Variants in PLD5 observed in about 807,000 individuals in gnomAD.
The protein encoded by PLD5 is inactive phospholipase D5.
A neutral mutation model predicts 61.1 loss-of-function variants in PLD5; 36 were observed. The observed-to-expected ratio is 0.59, with a 90% CI of 0.45 to 0.78. The LOEUF is 0.78. PLD5 is among the 30% of genes least tolerant of loss of function. The probability of loss-of-function intolerance (pLI) is 0.00; values close to 1 mark genes in which losing one functional copy is unlikely to be tolerated. For missense variants in PLD5, 515 were observed against 644.4 expected (o/e 0.80, Z 2.17); for synonymous variants, 243 against 242.8 (o/e 1.00, Z -0.01).
Position 242,288,595 on chromosome 1 carries a change from T to C in PLD5, c.327-65A>G, listed in dbSNP as rs1484139913. ...TCAAATTTGAAGCCACAGATCTTTA[T>C]ATATGCATACAGCAGACATCTAAAA... On this transcript the variant is annotated intron_variant, in intron 2 of 9. Coordinates refer to ENST00000536534, the MANE Select transcript of PLD5 (RefSeq NM_001372062.1). 7 of 1,532,042 alleles carry C rather than the reference T, an allele frequency of 4.6e-6. No homozygotes were observed. In the Admixed American group the frequency reaches 8.7e-5, roughly 19 times the overall value. 94.9% of individuals were successfully genotyped at this position (1,532,042 alleles called of 1,614,324 possible). A position where few individuals can be genotyped will look rare whatever the true frequency, so the allele number is the denominator to read the frequency against.
At chr1:242,349,236 G>T (rs375295512) in intron 1 of PLD5, among the ~76,000 whole-genome samples, 7 of 152,128 alleles carry the variant, frequency 4.6e-5, no homozygotes, top group Admixed American at 1.3e-4. Flanking sequence ...TTACTATAAG[G>T]GGTTGTAGAG....
chr1:242,503,878 G>A (rs1333987554), intron 1 of PLD5, among the ~76,000 whole-genome samples: 1 of 152,006 alleles, frequency 6.6e-6, no homozygotes, highest in East Asian at 1.9e-4. Context: ...AGAAAGGTGG[G>A]AAGAACCCTG....
At chr1:242,159,389 C>T (rs763276202) in intron 5 of PLD5, among the ~76,000 whole-genome samples, 6 of 152,124 alleles carry the variant, frequency 3.9e-5, no homozygotes, top group Non-Finnish European at 5.9e-5. Flanking sequence ...TCTGCTCCAC[C>T]CTCAGGTTAG....
intron 2 of PLD5, among the ~76,000 whole-genome samples, chr1:242,315,435 T>C (rs61847226): frequency 0.97 from 147,628 of 152,212 alleles, 71,686 homozygotes; most frequent in Non-Finnish European, 1. Context: ...GATTTAAAAA[T>C]TATGCTAGAC....
intron 5 of PLD5, among the ~76,000 whole-genome samples, chr1:242,163,001 A>G (rs575650945): frequency 6.6e-6 from 1 of 152,290 alleles, no homozygotes; most frequent in South Asian, 2.1e-4. Flanking sequence ...CCCAGTTCAT[A>G]CTAATATCTA....
intron 2 of PLD5, among the ~76,000 whole-genome samples, chr1:242,328,350 T>TAC: frequency 6.6e-6 from 1 of 152,002 alleles, no homozygotes; most frequent in South Asian, 2.1e-4. Context: ...GTGTTCTACA[T>TAC]GTGTGTTCTA....
intron 1 of PLD5, among the ~76,000 whole-genome samples, chr1:242,369,688 G>A (rs1005380043): frequency 1.3e-5 from 2 of 152,082 alleles, no homozygotes; most frequent in African/African-American, 4.8e-5. Context: ...GTATAATCTG[G>A]ATATTTTACA....
chr1:242,271,532 C>G (rs1487244919), intron 3 of PLD5, among the ~76,000 whole-genome samples: 1 of 152,162 alleles, frequency 6.6e-6, no homozygotes, highest in African/African-American at 2.4e-5. Context: ...ATCAGATAGA[C>G]TGGCAGAGAT....
At chr1:242,298,305 G>A (rs1202556175) in intron 2 of PLD5, among the ~76,000 whole-genome samples, 1 of 152,206 alleles carries the variant, frequency 6.6e-6, no homozygotes, top group Non-Finnish European at 1.5e-5. Flanking sequence ...CAGTATGGCA[G>A]TGGAGGAAGT....
At chr1:242,462,676 T>G (rs963822826) in intron 1 of PLD5, among the ~76,000 whole-genome samples, 1 of 151,716 alleles carries the variant, frequency 6.6e-6, no homozygotes, top group Non-Finnish European at 1.5e-5. Context: ...ACTGTAACCC[T>G]CTCCAGGGGA....
intron 5 of PLD5, among the ~76,000 whole-genome samples, chr1:242,148,872 TATC>T (rs2148812073): frequency 6.6e-6 from 1 of 152,096 alleles, no homozygotes; most frequent in South Asian, 2.1e-4. Flanking sequence ...ACTGATCTTA[TATC>T]ATAAAACTGT....
rs187473346 is a variant in PLD5, at chr1:242,160,718, C to T, written c.736-36053G>A. The stretch of plus-strand genomic sequence containing the variant: ...TGGCCAACATGGTGAAACACCACCT[C>T]TACTAAAAATACAAAAACTAGCCGG... On this transcript the variant is annotated intron_variant, in intron 5 of 9. Coordinates refer to ENST00000536534, the MANE Select transcript of PLD5 (RefSeq NM_001372062.1). Among the ~76,000 whole-genome samples the T allele has an allele frequency of 5.0e-4, 76 of 152,030 alleles. No individual in the cohort carries two copies. The Middle Eastern group carries it at 0.01, about 20-fold the overall frequency.
chr1:242,488,488 G>GT (rs1188198952), intron 1 of PLD5, among the ~76,000 whole-genome samples: 1 of 152,126 alleles, frequency 6.6e-6, no homozygotes, highest in Non-Finnish European at 1.5e-5. Flanking sequence ...TCTGAAAAGG[G>GT]TAGCCTTTTA....
intron 5 of PLD5, chr1:242,177,825 G>C (rs1367549996): frequency 6.6e-6 from 1 of 152,206 alleles, no homozygotes; most frequent in African/African-American, 2.4e-5. Context: ...GAGCCCAAAA[G>C]TGCACGGGCA....
intron 1 of PLD5, among the ~76,000 whole-genome samples, chr1:242,473,987 A>C (rs1667515352): frequency 6.6e-6 from 1 of 152,162 alleles, no homozygotes; most frequent in African/African-American, 2.4e-5. Flanking sequence ...GTTGAGTTTC[A>C]AATACAAATA....
chr1:242,432,961 T>G (rs1036534452), intron 1 of PLD5, among the ~76,000 whole-genome samples: 6 of 152,180 alleles, frequency 3.9e-5, no homozygotes, highest in Admixed American at 2.0e-4. Context: ...GGTGCCTCTC[T>G]CGTTCCCATG....
Position 242,107,697 on chromosome 1 carries a change from C to T in PLD5, c.1213G>A (p.Glu405Lys), listed in dbSNP as rs1574307738. ...FISSLKAICT[E>K]IANCSLKVKF... ...ACTTTCAAACTGCAGTTGGCTATTT[C>T]AGTGCAAATCGCTTTAAGAGATGAA... The change falls in exon 8 of 10, where the codon GAA becomes AAA. Residue 405 changes from glutamate to lysine, a missense_variant. Around this residue, in one of 2 missense-constraint regions of PLD5, gnomAD observed 450 missense variants for 598.1 expected, o/e 0.75. Transcript: ENST00000536534. 6.3e-7 allele frequency: 1 copy of T among 1,593,616 alleles called. No homozygotes were observed. Among genetic ancestry groups the T allele is most frequent in the East Asian group, 2.2e-5 (1 of 44,776 alleles).
intron 4 of PLD5, among the ~76,000 whole-genome samples, chr1:242,229,511 G>A (rs1413817833): frequency 6.6e-6 from 1 of 152,124 alleles, no homozygotes; most frequent in Non-Finnish European, 1.5e-5. Context: ...TGCATATCCT[G>A]TTGAAATTGA....
intron 1 of PLD5, among the ~76,000 whole-genome samples, chr1:242,456,970 T>A (rs1270362820): frequency 6.6e-6 from 1 of 152,206 alleles, no homozygotes; most frequent in East Asian, 1.9e-4. Context: ...AAAATCTCTA[T>A]GATAAAACAT....
Sources: gnomAD v4.1 joint callset for allele counts (sites outside exome capture counted in the v4.1 genomes callset) on GRCh38, gnomAD v4.1.1 for gene constraint, gnomAD v4.1.1 regional missense constraint, MANE v1.5 for transcripts, NCBI Gene and HGNC (gene_info 2026-07-23, HGNC 2026-07-21) for gene names.